Variants in FER observed in about 807,000 individuals in gnomAD.
FER encodes FER tyrosine kinase.
A neutral mutation model predicts 111.0 loss-of-function variants in FER; 63 were observed. That is an observed-to-expected ratio of 0.57 (90% CI 0.46 to 0.70). The LOEUF (loss-of-function observed/expected upper bound fraction) is 0.70. FER is among the 30% of genes least tolerant of loss of function. FER has a pLI of 0.00. For synonymous variants in FER, 327 were observed against 313.9 expected, an observed-to-expected ratio of 1.04 and a Z score of -0.44; for missense variants, 914 against 954.0, an observed-to-expected ratio of 0.96 and a Z score of 0.55.
chr5:109,039,035 C>G (rs181439000), intron 14 of FER, among the ~76,000 whole-genome samples: 261 of 151,994 alleles, frequency 1.7e-3, no homozygotes, highest in African/African-American at 6.1e-3. Flanking sequence ...TTAATTTCAT[C>G]CAGTAGTTTT....
intron 13 of FER, among the ~76,000 whole-genome samples, chr5:108,973,147 C>T (rs1398088330): frequency 1.3e-5 from 2 of 151,984 alleles, no homozygotes; most frequent in Non-Finnish European, 2.9e-5. Context: ...AAAATTAAAG[C>T]CCTGTATTAA....
chr5:109,050,752 T>C (rs1193006036), intron 16 of FER, among the ~76,000 whole-genome samples: 1 of 152,092 alleles, frequency 6.6e-6, no homozygotes. Context: ...AATAAAAAAA[T>C]ATAGTAGCAC....
Position 108,803,573 on chromosome 5 carries a change from G to A in FER, c.207+5184G>A, listed in dbSNP as rs560931203. ...ATAAAGCTAGCCAGCTATCCCAGCA[G>A]CATTTATTAAATAGGGAGTTCTTTC... On this transcript the variant is annotated intron_variant, in intron 3 of 19. Transcript: ENST00000281092. 7.9e-5 allele frequency among the ~76,000 whole-genome samples: 12 copies of A among 152,078 alleles called. No individual in the cohort carries two copies. In the East Asian group the frequency reaches 1.7e-3, roughly 22 times the overall value.
chr5:109,149,727 T>C (rs1036554222), intron 17 of FER, among the ~76,000 whole-genome samples: 3 of 152,016 alleles, frequency 2.0e-5, no homozygotes, highest in Non-Finnish European at 4.4e-5. Context: ...ATAAGATAAA[T>C]AGGAAAACAA....
chr5:109,117,992 C>T (rs1750471949), intron 17 of FER, among the ~76,000 whole-genome samples: 1 of 152,082 alleles, frequency 6.6e-6, no homozygotes, highest in Middle Eastern at 3.4e-3. Flanking sequence ...TAATTGAATG[C>T]CCTTTATTTC....
At chr5:108,762,194 C>A (rs887059282) in intron 1 of FER, among the ~76,000 whole-genome samples, 2 of 152,082 alleles carry the variant, frequency 1.3e-5, no homozygotes, top group African/African-American at 4.8e-5. Flanking sequence ...GTTTGTTAGG[C>A]TAGTTTTGGA....
At chr5:108,940,691 A>C (rs964336734) in intron 10 of FER, among the ~76,000 whole-genome samples, 2 of 152,096 alleles carry the variant, frequency 1.3e-5, no homozygotes, top group Admixed American at 1.3e-4. Flanking sequence ...AGCACTATCT[A>C]CCCATCTACT....
intron 9 of FER, among the ~76,000 whole-genome samples, chr5:108,890,325 G>T (rs1363273579): frequency 2.0e-5 from 3 of 152,030 alleles, no homozygotes; most frequent in African/African-American, 7.2e-5. Context: ...ATAAAATACT[G>T]CACAGTGGGT....
intron 16 of FER, among the ~76,000 whole-genome samples, chr5:109,068,517 A>G (rs569259309): frequency 9.2e-5 from 14 of 152,274 alleles, no homozygotes; most frequent in African/African-American, 3.4e-4. Flanking sequence ...TATAAAAAGA[A>G]ATGCTCAGTG....
chr5:108,992,646 C>A (rs770039884), intron 13 of FER, among the ~76,000 whole-genome samples: 6 of 144,446 alleles, frequency 4.2e-5, no homozygotes, highest in Non-Finnish European at 7.7e-5. Flanking sequence ...CACCCCACCT[C>A]CCTCCCGGAC....
intron 5 of FER, among the ~76,000 whole-genome samples, chr5:108,855,216 G>A (rs771756284): frequency 6.6e-6 from 1 of 152,066 alleles, no homozygotes; most frequent in South Asian, 2.1e-4. Context: ...AATGTTAATT[G>A]TCATTTAAAG....
At chr5:108,837,752 T>G (rs1422421862) in intron 5 of FER, among the ~76,000 whole-genome samples, 4 of 152,184 alleles carry the variant, frequency 2.6e-5, no homozygotes, top group Admixed American at 6.5e-5. Context: ...TAGAAAAGAT[T>G]ATGGAAAATC....
At chr5:109,087,567 A>G (rs531693426) in intron 16 of FER, among the ~76,000 whole-genome samples, 1 of 151,080 alleles carries the variant, frequency 6.6e-6, no homozygotes, top group African/African-American at 2.4e-5. Context: ...ATCATTTTAT[A>G]TTTACCTCTG....
chr5:108,773,150 A>G (rs57928004), intron 2 of FER, among the ~76,000 whole-genome samples: 36,556 of 152,054 alleles, frequency 0.24, 4,638 homozygotes, highest in African/African-American at 0.32. Flanking sequence ...AGAGGTAGGG[A>G]TAACTTTTAA....
At chr5:109,005,694 C>T (rs1765407148) in intron 13 of FER, among the ~76,000 whole-genome samples, 1 of 152,182 alleles carries the variant, frequency 6.6e-6, no homozygotes, top group Non-Finnish European at 1.5e-5. Context: ...GATACACATG[C>T]TCTTGCACAC....
chr5:108,752,868 C>CT (rs1205766141), intron 1 of FER, among the ~76,000 whole-genome samples: 3 of 151,958 alleles, frequency 2.0e-5, no homozygotes, highest in Non-Finnish European at 4.4e-5. Flanking sequence ...GATATTGTCA[C>CT]TTTTTTTAGT....
At chr5:108,914,778 C>G (rs576660449) in intron 10 of FER, among the ~76,000 whole-genome samples, 1 of 152,252 alleles carries the variant, frequency 6.6e-6, no homozygotes, top group South Asian at 2.1e-4. Context: ...ATTAATTTAG[C>G]CCATTTCACA....
rs543728927 is a variant in FER at position 109,154,076 on chromosome 5, G to A, written c.2049-26671G>A. On this transcript the variant is annotated intron_variant, in intron 17 of 19. Coordinates refer to ENST00000281092, the MANE Select transcript of FER (RefSeq NM_005246.4). The stretch of plus-strand genomic sequence containing the variant: ...GAGTATAGTTAATATGCATACTTAC[G>A]CAAAAAAAAAACCCATGCTGCTCGA... Among the ~76,000 whole-genome samples, 160 of 123,368 alleles carry A rather than the reference G, an allele frequency of 1.3e-3. 1 individual carries two copies. The highest frequency in any genetic ancestry group is 4.2e-3 in the Middle Eastern group (1 of 238). 80.9% of individuals were successfully genotyped at this position (123,368 alleles called of 152,430 possible). A position where few individuals can be genotyped will look rare whatever the true frequency, so the allele number is the denominator to read the frequency against.
chr5:109,167,603 G>A (rs1223043872), intron 17 of FER, among the ~76,000 whole-genome samples: 3 of 152,182 alleles, frequency 2.0e-5, no homozygotes, highest in Admixed American at 2.0e-4. Context: ...CTTAAAAGTA[G>A]TTGCAAATGT....
Sources: gnomAD v4.1 joint callset for allele counts (sites outside exome capture counted in the v4.1 genomes callset) on GRCh38, gnomAD v4.1.1 for gene constraint, MANE v1.5 for transcripts, NCBI Gene and HGNC (gene_info 2026-07-23, HGNC 2026-07-21) for gene names.